The following RPE variants were observed in gnomAD, a reference collection of about 807,000 sequenced individuals.
The protein encoded by RPE is ribulose-phosphate 3-epimerase.
RPE carries 16 observed loss-of-function variants against 24.6 expected under a neutral mutation model. That is an observed-to-expected ratio of 0.65 (90% confidence interval 0.44 to 0.99). The LOEUF is 0.99. RPE is among the 50% of genes least tolerant of loss of function. RPE has a pLI of 0.00. For missense variants in RPE, 240 were observed against 294.5 expected (o/e 0.81, Z 1.35); for synonymous variants, 93 against 98.4 (o/e 0.94, Z 0.33).
rs1181106566 is a variant in RPE at position 210,019,941 on chromosome 2, T to C, written c.*150T>C. On this transcript the variant is annotated 3_prime_UTR_variant, in exon 6 of 6. Coordinates refer to ENST00000359429, the MANE Select transcript of RPE (RefSeq NM_199229.3). ...TGATTAAAACTGATTGTGCAGAATA[T>C]TCTAAGAGGTCAGAAATTGGTGTGT... 4.8e-6 allele frequency: 5 copies of C among 1,046,440 alleles called. No individual in the cohort carries two copies. In the African/African-American group the frequency reaches 8.1e-5, roughly 17 times the overall value. 64.8% of individuals were successfully genotyped at this position (1,046,440 alleles called of 1,614,324 possible).
At chr2:210,016,328 C>T (rs2093771883) in intron 3 of RPE, 179 bp from the exon 4 acceptor site, 3 of 1,584,064 alleles carry the variant, frequency 1.9e-6, no homozygotes, top group Non-Finnish European at 2.6e-6. Context: ...TGTCACATAG[C>T]ATTTATGTAT....
At chr2:210,005,007 A>G (rs1181145151) in intron 1 of RPE, among the ~76,000 whole-genome samples, 1 of 152,176 alleles carries the variant, frequency 6.6e-6, no homozygotes, top group Non-Finnish European at 1.5e-5. Context: ...AATCTTCTCT[A>G]CTTTCTGAGT....
chr2:210,016,134 G>A (rs775982269), intron 3 of RPE, 22 bp downstream of exon 3: 1 of 1,614,126 alleles, frequency 6.2e-7, no homozygotes. Context: ...TGATGAGAGT[G>A]TTTTGTAACA....
Position 210,019,954 on chromosome 2 carries a change from G to T in RPE, c.*163G>T. The T allele has an allele frequency of 1.1e-6, 1 of 895,494 alleles. No homozygotes were observed. The highest frequency in any genetic ancestry group is 1.6e-6 in the Non-Finnish European group (1 of 624,194). The allele number at this position is 895,494 out of a possible 1,614,324, so 55.5% of individuals were successfully genotyped here. On this transcript the variant is annotated 3_prime_UTR_variant, in exon 6 of 6. Transcript: ENST00000359429. Reference sequence around the variant, plus strand: ...TTGTGCAGAATATTCTAAGAGGTCAGAAATTGGTGTGTATAACTACATTTT... The same window carrying T: ...TTGTGCAGAATATTCTAAGAGGTCATAAATTGGTGTGTATAACTACATTTT...
At position 210,016,123 on chromosome 2, in the gene RPE, G is replaced by GT; in HGVS notation, c.342+12dup. On this transcript the variant is annotated intron_variant, in intron 3 of 5. Coordinates refer to ENST00000359429, the MANE Select transcript of RPE (RefSeq NM_199229.3). ...GAGAATGGGATGAAGGTAAGAAATCGTGATGAGAGTGTTTTGTAACATTCA... is the reference window on the plus strand; with the variant it reads ...GAGAATGGGATGAAGGTAAGAAATCGTTGATGAGAGTGTTTTGTAACATTCA... 1 of 1,614,168 alleles carries GT rather than the reference G, an allele frequency of 6.2e-7. No homozygotes were observed. The highest frequency in any genetic ancestry group is 8.5e-7 in the Non-Finnish European group (1 of 1,180,028).
At chr2:210,018,702 T>C (rs1481063687) in intron 5 of RPE, 2 of 985,258 alleles carry the variant, frequency 2.0e-6, no homozygotes, top group Non-Finnish European at 2.4e-6. Context: ...TATTCCTGCT[T>C]TTATGCCAGA....
intron 1 of RPE, among the ~76,000 whole-genome samples, chr2:210,004,489 A>G (rs925968277): frequency 6.6e-6 from 1 of 152,206 alleles, no homozygotes; most frequent in African/African-American, 2.4e-5. Flanking sequence ...GTTGGAAGCA[A>G]TGCAACAGCT....
At chr2:210,007,486 CA>C (rs1454499756) in intron 1 of RPE, among the ~76,000 whole-genome samples, 1 of 152,182 alleles carries the variant, frequency 6.6e-6, no homozygotes. Flanking sequence ...TACAGCAGGA[CA>C]AAAGTCCAGA....
chr2:210,011,241 A>G (rs1353258097), intron 2 of RPE, among the ~76,000 whole-genome samples: 2 of 152,184 alleles, frequency 1.3e-5, no homozygotes, highest in Non-Finnish European at 2.9e-5. Context: ...CTTTTAAGCC[A>G]TGATTAGCTT....
intron 2 of RPE, among the ~76,000 whole-genome samples, chr2:210,011,962 G>GT (rs972403646): frequency 2.6e-4 from 39 of 151,582 alleles, no homozygotes; most frequent in African/African-American, 9.0e-4. Context: ...GATAGTAGGT[G>GT]TAAGTCACTG....
chr2:210,019,837 C>T lies in RPE; in HGVS notation c.*46C>T, dbSNP rs1258591675. On this transcript the variant is annotated 3_prime_UTR_variant, in exon 6 of 6. Transcript: ENST00000359429. ...TCCTGTTCATGAAATCTCCCTTTTA[C>T]TGGAAAACAGGAATATTGACTACCA... 6.3e-7 allele frequency: 1 copy of T among 1,582,330 alleles called. No individual in the cohort carries two copies. The highest frequency in any genetic ancestry group is 1.1e-5 in the South Asian group (1 of 87,014).
At chr2:210,014,279 T>C (rs1168861556) in intron 2 of RPE, among the ~76,000 whole-genome samples, 1 of 151,774 alleles carries the variant, frequency 6.6e-6, no homozygotes, top group Non-Finnish European at 1.5e-5. Context: ...TTAGTAGAGA[T>C]GGGGTTTCAC....
chr2:210,016,760 CT>C, intron 4 of RPE, 119 bp downstream of exon 4: 1 of 1,370,556 alleles, frequency 7.3e-7, no homozygotes. Context: ...GATGGGGATG[CT>C]TACAGATCAT....
Position 210,020,587 on chromosome 2 carries a change from T to C in RPE, c.*796T>C, listed in dbSNP as rs1424999370. ...TCTCTAAAGTCATTTATACATTAAATGTAATTATAGCAACTGTGGGGTTCT... is the reference window on the plus strand; with the variant it reads ...TCTCTAAAGTCATTTATACATTAAACGTAATTATAGCAACTGTGGGGTTCT... On this transcript the variant is annotated 3_prime_UTR_variant, in exon 6 of 6. Coordinates refer to ENST00000359429, the MANE Select transcript of RPE (RefSeq NM_199229.3). The C allele has an allele frequency of 1.2e-5, 2 of 166,846 alleles. No individual in the cohort carries two copies. Among genetic ancestry groups the C allele is most frequent in the Non-Finnish European group, 2.9e-5 (2 of 68,088 alleles). The allele number at this position is 166,846 out of a possible 1,614,324, so 10.3% of individuals were successfully genotyped here. A position where few individuals can be genotyped will look rare whatever the true frequency, so the allele number is the denominator to read the frequency against.
At chr2:210,004,309 G>A (rs1243927947) in intron 1 of RPE, among the ~76,000 whole-genome samples, 2 of 152,220 alleles carry the variant, frequency 1.3e-5, no homozygotes, top group Admixed American at 1.3e-4. Flanking sequence ...TAGTAGCAAT[G>A]TTTATGAGCA....
chr2:210,012,934 G>A (rs1188441990), intron 2 of RPE, among the ~76,000 whole-genome samples: 1 of 152,148 alleles, frequency 6.6e-6, no homozygotes, highest in African/African-American at 2.4e-5. Context: ...GTACTTAAAA[G>A]ACCCATTCAA....
chr2:210,002,839 CT>C, intron 1 of RPE, 56 bp downstream of exon 1: 1 of 1,613,280 alleles, frequency 6.2e-7, no homozygotes, highest in Non-Finnish European at 8.5e-7. Context: ...ATCAGTGCAC[CT>C]TTATTGACTG....
At chr2:210,003,255 T>C (rs1468077152) in intron 1 of RPE, among the ~76,000 whole-genome samples, 2 of 152,164 alleles carry the variant, frequency 1.3e-5, no homozygotes, top group Admixed American at 1.3e-4. Context: ...ACTAACCTCA[T>C]TGAGCTTCAG....
chr2:210,018,634 A>G (rs1221108904), intron 5 of RPE: 1 of 985,210 alleles, frequency 1.0e-6, no homozygotes, highest in Admixed American at 6.2e-5. Flanking sequence ...GAGTGAGCTC[A>G]TATCCTTTTG....
Sources: allele counts gnomAD v4.1 joint callset (sites outside exome capture counted in the v4.1 genomes callset), GRCh38; gene constraint gnomAD v4.1.1; transcripts MANE v1.5; gene names NCBI Gene and HGNC (gene_info 2026-07-23, HGNC 2026-07-21).